Variants in MINK1 observed in about 807,000 individuals in gnomAD.
The protein encoded by MINK1 is misshapen like kinase 1.
Under a neutral mutation model 178.4 loss-of-function variants are expected in MINK1, and 46 were observed. The observed-to-expected ratio is 0.26, with a 90% CI of 0.20 to 0.33. The LOEUF is 0.33. MINK1 is among the 10% of genes least tolerant of loss of function. The pLI is 1.00. For synonymous variants in MINK1, 797 were observed against 709.7 expected (o/e 1.12, Z -1.96); for missense variants, 1,366 against 1,814.9 (o/e 0.75, Z 4.49).
intron 1 of MINK1, among the ~76,000 whole-genome samples, chr17:4,859,526 C>T (rs529775500): frequency 1.3e-4 from 20 of 152,006 alleles, no homozygotes; most frequent in Admixed American, 5.3e-4. Context: ...AAGACACTGG[C>T]TACGTAATCC....
chr17:4,839,109 A>T (rs1909768805), intron 1 of MINK1, among the ~76,000 whole-genome samples: 1 of 151,984 alleles, frequency 6.6e-6, no homozygotes, highest in African/African-American at 2.4e-5. Context: ...ATGCCTGGCT[A>T]ATTTTTTGTA....
chr17:4,839,238 C>T (rs1233815579), intron 1 of MINK1, among the ~76,000 whole-genome samples: 3 of 152,116 alleles, frequency 2.0e-5, no homozygotes, highest in Non-Finnish European at 2.9e-5. Context: ...CCACCGTGCC[C>T]GGCCTAGACT....
chr17:4,886,664 C>T lies in MINK1; in HGVS notation c.949+38C>T, dbSNP rs1413817769. On this transcript the variant is annotated intron_variant, in intron 10 of 31. Coordinates refer to ENST00000355280, the MANE Select transcript of MINK1 (RefSeq NM_153827.5). This position sits in a 1 kb window ranked among gnomAD's most constrained non-coding sequence, Gnocchi z 6.1. Reference sequence around the variant, plus strand: ...GCTGGAGGGGGCAGGTACTAGGGGACACTCCAGCCTGGCTCCTCTCTGCCA... The same window carrying T: ...GCTGGAGGGGGCAGGTACTAGGGGATACTCCAGCCTGGCTCCTCTCTGCCA... The T allele has an allele frequency of 1.3e-6, 2 of 1,527,694 alleles. No individual in the cohort carries two copies. The highest frequency in any genetic ancestry group is 2.3e-5 in the East Asian group (1 of 43,508). 94.6% of individuals were successfully genotyped at this position (1,527,694 alleles called of 1,614,324 possible).
At position 4,835,115 on chromosome 17, in the gene MINK1, G is replaced by C. The variant is rs114064265; in HGVS notation, c.57+1475G>C. 4.3e-3 allele frequency among the ~76,000 whole-genome samples: 661 copies of C among 152,288 alleles called. 3 individuals are homozygous for C. The highest frequency in any genetic ancestry group is 0.016 in the African/African-American group (648 of 41,562). ...GCACATGTGTGTGTGTTGATGAGGA[G>C]AGGGTCTGAAGGCTTTAGGAGGGAG... On this transcript the variant is annotated intron_variant, in intron 1 of 31. Coordinates refer to ENST00000355280, the MANE Select transcript of MINK1 (RefSeq NM_153827.5).
rs761881604 is a variant in MINK1, at chr17:4,896,611, A to C, written c.3775+23A>C. 8.5e-5 allele frequency: 137 copies of C among 1,613,160 alleles called. No homozygotes were observed. Among genetic ancestry groups the C allele is most frequent in the Non-Finnish European group, 1.2e-4 (137 of 1,179,506 alleles). On this transcript the variant is annotated intron_variant, in intron 30 of 31. Coordinates refer to ENST00000355280, the MANE Select transcript of MINK1 (RefSeq NM_153827.5). This position sits in a 1 kb window ranked among gnomAD's most constrained non-coding sequence, Gnocchi z 4.6. ...TGGGTGAGTGAGCTGCCGCCCTCCC[A>C]GCCACATGCCCCGAGGTGGCCCCGG...
At position 4,897,376 on chromosome 17, in the gene MINK1, G is replaced by A. The variant is rs1969660088; in HGVS notation, c.*89G>A. 13 of 1,254,572 alleles carry A rather than the reference G, an allele frequency of 1.0e-5. No homozygotes were observed. The highest frequency in any genetic ancestry group is 1.3e-5 in the South Asian group (1 of 77,882). 77.7% of individuals were successfully genotyped at this position (1,254,572 alleles called of 1,614,324 possible). Reference sequence around the variant, plus strand: ...GGGCCGCCCCTCTTTCCCCTCCCTGGGCTTTTGCTTTTACTGGTTTGATTT... The same window carrying A: ...GGGCCGCCCCTCTTTCCCCTCCCTGAGCTTTTGCTTTTACTGGTTTGATTT... On this transcript the variant is annotated 3_prime_UTR_variant, in exon 32 of 32. Transcript: ENST00000355280.
chr17:4,897,518 A>G lies in MINK1; in HGVS notation c.*231A>G. The G allele has an allele frequency of 1.9e-6, 1 of 520,934 alleles. No homozygotes were observed. Among genetic ancestry groups the G allele is most frequent in the Non-Finnish European group, 3.4e-6 (1 of 291,536 alleles). The allele number at this position is 520,934 out of a possible 1,614,324, so 32.3% of individuals were successfully genotyped here. ...CTGTGCCTGTCCCCAGCTTCTGGGG[A>G]GGGACACAGCTTCCCCTTCCCAGGA... On this transcript the variant is annotated 3_prime_UTR_variant, in exon 32 of 32. Transcript: ENST00000355280.
chr17:4,891,658 C>T lies in MINK1; in HGVS notation c.1943C>T (p.Pro648Leu), dbSNP rs1968829928. Residue 648 changes from proline to leucine, a missense_variant, in exon 16 of 32, where the codon CCT (proline) becomes CTT (leucine). Around this residue, in one of 14 missense-constraint regions of MINK1, gnomAD observed 709 missense variants for 692.3 expected, o/e 1.02. Transcript: ENST00000355280. ...RQNSDPTSEG[P>L]GPSPNPPAWV... ...AATTCAGACCCCACCTCTGAAGGAC[C>T]TGGCCCCAGCCCGAATCCCCCAGCC... 2.5e-6 allele frequency: 4 copies of T among 1,600,500 alleles called. No individual in the cohort carries two copies. Among genetic ancestry groups the T allele is most frequent in the African/African-American group, 1.3e-5 (1 of 74,682 alleles).
In MINK1 at chr17:4,887,206, TG is replaced by T; in HGVS notation, c.1019+31del. ...TAGGCCTGGCAGGTGGAGTGGGGGT[TG>T]GGGCGGTCATCGCTGAGTGGGGGGA... On this transcript the variant is annotated intron_variant, in intron 11 of 31. Coordinates refer to ENST00000355280, the MANE Select transcript of MINK1 (RefSeq NM_153827.5). This position sits in a 1 kb window ranked among gnomAD's most constrained non-coding sequence, Gnocchi z 7.6. 1 of 1,578,200 alleles carries T rather than the reference TG, an allele frequency of 6.3e-7. No homozygotes were observed. Among genetic ancestry groups the T allele is most frequent in the Non-Finnish European group, 8.6e-7 (1 of 1,161,860 alleles).
rs898509684 is a variant in MINK1, at chr17:4,895,643, C to T, written c.3230-55C>T. The stretch of plus-strand genomic sequence containing the variant: ...CTGACAGAGGAGGCCAGGGCGGTGG[C>T]ATTCGGGCCTCAGATGAGAATGGGG... On this transcript the variant is annotated intron_variant, in intron 26 of 31. Coordinates refer to ENST00000355280, the MANE Select transcript of MINK1 (RefSeq NM_153827.5). The surrounding 1 kb of genome is among the most constrained non-coding windows in gnomAD (Gnocchi z 4.3). 8.1e-6 allele frequency: 13 copies of T among 1,595,386 alleles called. No individual in the cohort carries two copies. The Admixed American group carries it at 1.9e-4, about 23-fold the overall frequency.
At chr17:4,854,651 T>C in intron 1 of MINK1, 3 of 439,780 alleles carry the variant, frequency 6.8e-6, no homozygotes, top group African/African-American at 2.0e-5. Flanking sequence ...TCCCATCACA[T>C]AAATATTTTT....
chr17:4,884,299 G>C, intron 4 of MINK1, 64 bp from the exon 5 acceptor site: 1 of 1,289,192 alleles, frequency 7.8e-7, no homozygotes, highest in East Asian at 2.3e-5. Flanking sequence ...CAGGGGATTG[G>C]GGCAGGGGTG....
chr17:4,897,535 T>G lies in MINK1; in HGVS notation c.*248T>G. The G allele has an allele frequency of 1.5e-5, 7 of 476,916 alleles. No individual in the cohort carries two copies. Among genetic ancestry groups the G allele is most frequent in the East Asian group, 3.9e-5 (1 of 25,868 alleles). The allele number at this position is 476,916 out of a possible 1,614,324, so 29.5% of individuals were successfully genotyped here. On this transcript the variant is annotated 3_prime_UTR_variant, in exon 32 of 32. Transcript: ENST00000355280. The stretch of plus-strand genomic sequence containing the variant: ...TTCTGGGGAGGGACACAGCTTCCCC[T>G]TCCCAGGAATTGAGTGGGCCTAGCC...
intron 1 of MINK1, chr17:4,868,880 G>T: frequency 3.2e-6 from 1 of 312,548 alleles, no homozygotes; most frequent in Admixed American, 4.0e-5. Context: ...CTCCTAAGTA[G>T]CTGGAAGCAC....
intron 1 of MINK1, among the ~76,000 whole-genome samples, chr17:4,845,798 G>A (rs1320627199): frequency 2.6e-5 from 4 of 152,086 alleles, no homozygotes; most frequent in Middle Eastern, 3.2e-3. Context: ...GCGTCACCAC[G>A]CCCAGCTAAT....
At chr17:4,866,081 C>T (rs1050615891) in intron 1 of MINK1, among the ~76,000 whole-genome samples, 3 of 152,178 alleles carry the variant, frequency 2.0e-5, no homozygotes, top group African/African-American at 7.2e-5. Context: ...TATTCCCCAG[C>T]CTAGCACAGT....
At chr17:4,884,299 G>A (rs199754996) in intron 4 of MINK1, 64 bp from the exon 5 acceptor site, 259 of 1,289,068 alleles carry the variant, frequency 2.0e-4, no homozygotes, top group Non-Finnish European at 2.6e-4. Context: ...CAGGGGATTG[G>A]GGCAGGGGTG....
chr17:4,844,626 A>G (rs781280186), intron 1 of MINK1: 14 of 491,152 alleles, frequency 2.9e-5, no homozygotes, highest in South Asian at 1.9e-4. Flanking sequence ...TGTTGGGAAT[A>G]CAGAGCTCCA....
rs1969485056 is a variant in MINK1, at chr17:4,896,426, C to T, written c.3616-3C>T. ...AGACTCTAGTCCCCCTCCTTCTCCC[C>T]AGATCCAGAGCCAGATCACGCCCCA... On this transcript the variant is annotated splice_region_variant and splice_polypyrimidine_tract_variant and intron_variant, in intron 29 of 31. Coordinates refer to ENST00000355280, the MANE Select transcript of MINK1 (RefSeq NM_153827.5). The surrounding 1 kb of genome is among the most constrained non-coding windows in gnomAD (Gnocchi z 4.6). The T allele has an allele frequency of 6.2e-7, 1 of 1,613,582 alleles. No individual in the cohort carries two copies. The highest frequency in any genetic ancestry group is 1.7e-5 in the Admixed American group (1 of 59,980).
Sources: gnomAD v4.1 joint callset for allele counts (sites outside exome capture counted in the v4.1 genomes callset) on GRCh38, gnomAD v4.1.1 for gene constraint, gnomAD v4.1.1 regional missense constraint, Gnocchi (gnomAD v3.1) non-coding constraint, MANE v1.5 for transcripts, NCBI Gene and HGNC (gene_info 2026-07-23, HGNC 2026-07-21) for gene names.